LRMDA: variants seen among roughly 807,000 people sequenced by gnomAD.
LRMDA encodes the protein leucine-rich melanocyte differentiation-associated protein.
LRMDA carries 18 observed loss-of-function variants against 29.8 expected under a neutral mutation model. The observed-to-expected ratio is 0.60, with a 90% CI of 0.42 to 0.90. LRMDA has a LOEUF of 0.90. Among genes scored for constraint, LRMDA ranks in the 40% least tolerant of loss-of-function variants. LRMDA has a pLI of 0.00. For synonymous variants in LRMDA, 125 were observed against 109.4 expected, an observed-to-expected ratio of 1.14 and a Z score of -0.89; for missense variants, 273 against 273.9, an observed-to-expected ratio of 1.00 and a Z score of 0.02.
At chr10:76,265,003 T>C (rs554559148) in intron 5 of LRMDA, among the ~76,000 whole-genome samples, 2 of 152,186 alleles carry the variant, frequency 1.3e-5, no homozygotes, top group Non-Finnish European at 2.9e-5. Context: ...ATTTTAAACA[T>C]TCCAACCATA....
At chr10:76,481,043 G>C (rs147293773) in intron 6 of LRMDA, among the ~76,000 whole-genome samples, 68 of 151,936 alleles carry the variant, frequency 4.5e-4, no homozygotes, top group African/African-American at 1.5e-3. Flanking sequence ...GCACTTATTT[G>C]TAGCTTATTG....
intron 6 of LRMDA, among the ~76,000 whole-genome samples, chr10:76,520,058 C>A (rs1843103021): frequency 6.6e-6 from 1 of 152,042 alleles, no homozygotes; most frequent in Admixed American, 6.5e-5. Context: ...TGGAGAGTCT[C>A]TAATCGTTTG....
Position 76,257,387 on chromosome 10 carries a change from G to A in LRMDA, c.517-67014G>A, listed in dbSNP as rs183364318. On this transcript the variant is annotated intron_variant, in intron 5 of 6. Transcript: ENST00000611255. Reference sequence around the variant, plus strand: ...TCACTCTTGTTGCCCAGGCTGGAGTGCAATGGCATGATCTCAGCTCACTGC... The same window carrying A: ...TCACTCTTGTTGCCCAGGCTGGAGTACAATGGCATGATCTCAGCTCACTGC... Among the ~76,000 whole-genome samples the A allele has an allele frequency of 3.2e-3, 476 of 148,474 alleles. 4 individuals are homozygous for A. Among genetic ancestry groups the A allele is most frequent in the African/African-American group, 0.011 (457 of 40,332 alleles).
intron 2 of LRMDA, among the ~76,000 whole-genome samples, chr10:75,955,876 G>C: frequency 6.6e-6 from 1 of 152,184 alleles, no homozygotes; most frequent in Non-Finnish European, 1.5e-5. Context: ...AGAGAGGATA[G>C]ATATCTGAAA....
At chr10:76,518,269 C>T (rs1346439906) in intron 6 of LRMDA, among the ~76,000 whole-genome samples, 2 of 145,394 alleles carry the variant, frequency 1.4e-5, no homozygotes, top group Non-Finnish European at 3.0e-5. Context: ...TCCATCTATC[C>T]ATTTATCTAT....
chr10:76,157,194 A>G (rs1442091729), intron 5 of LRMDA, among the ~76,000 whole-genome samples: 1 of 152,228 alleles, frequency 6.6e-6, no homozygotes, highest in African/African-American at 2.4e-5. Flanking sequence ...GGACCAATAC[A>G]AAGATGATCC....
At chr10:76,315,433 C>A (rs1840680820) in intron 5 of LRMDA, among the ~76,000 whole-genome samples, 1 of 152,210 alleles carries the variant, frequency 6.6e-6, no homozygotes, top group Admixed American at 6.5e-5. Context: ...GTGCCTGCTC[C>A]TGCTCCCGGG....
chr10:75,577,800 G>A (rs1840526776), intron 2 of LRMDA, among the ~76,000 whole-genome samples: 1 of 152,002 alleles, frequency 6.6e-6, no homozygotes, highest in African/African-American at 2.4e-5. Flanking sequence ...GCTTCATAAG[G>A]GAAGGAGAAA....
chr10:75,646,160 G>A (rs1841518155), intron 2 of LRMDA, among the ~76,000 whole-genome samples: 1 of 151,708 alleles, frequency 6.6e-6, no homozygotes, highest in South Asian at 2.1e-4. Context: ...TGTTGGTTGT[G>A]TCAGCATGTT....
intron 2 of LRMDA, among the ~76,000 whole-genome samples, chr10:75,805,112 A>G (rs938645596): frequency 1.3e-5 from 2 of 152,184 alleles, no homozygotes; most frequent in African/African-American, 2.4e-5. Context: ...GCCTTCTTCA[A>G]TGCTGGTGTG....
intron 5 of LRMDA, among the ~76,000 whole-genome samples, chr10:76,165,209 A>T (rs544708884): frequency 1.3e-5 from 2 of 151,602 alleles, no homozygotes; most frequent in Non-Finnish European, 2.9e-5. Flanking sequence ...TTGACCTCAG[A>T]TGATCCATCC....
chr10:75,858,506 T>A (rs994383200), intron 2 of LRMDA, among the ~76,000 whole-genome samples: 1 of 152,212 alleles, frequency 6.6e-6, no homozygotes, highest in African/African-American at 2.4e-5. Context: ...ACTTAATGTG[T>A]GCTGAGTAAC....
intron 2 of LRMDA, among the ~76,000 whole-genome samples, chr10:75,669,396 G>T (rs1841864302): frequency 6.6e-6 from 1 of 152,168 alleles, no homozygotes; most frequent in Admixed American, 6.5e-5. Context: ...TGAGCCTGTT[G>T]TAGGCTGAGG....
intron 2 of LRMDA, among the ~76,000 whole-genome samples, chr10:75,737,634 T>A (rs1047159450): frequency 6.6e-6 from 1 of 152,218 alleles, no homozygotes; most frequent in African/African-American, 2.4e-5. Context: ...CCTTCACAAA[T>A]ACACCACATG....
At chr10:75,446,541 A>C (rs866066717) in intron 2 of LRMDA, among the ~76,000 whole-genome samples, 6 of 152,318 alleles carry the variant, frequency 3.9e-5, no homozygotes, top group African/African-American at 1.2e-4. Context: ...AGAGCCAGTA[A>C]ATGATTTGCC....
intron 2 of LRMDA, among the ~76,000 whole-genome samples, chr10:75,881,496 ACCC>A (rs1220790509): frequency 6.6e-6 from 1 of 151,372 alleles, no homozygotes; most frequent in Non-Finnish European, 1.5e-5. Context: ...CCCCCCCACT[ACCC>A]CTACTTTTCT....
chr10:76,094,318 A>C (rs1849280129), intron 5 of LRMDA, among the ~76,000 whole-genome samples: 1 of 152,180 alleles, frequency 6.6e-6, no homozygotes, highest in Non-Finnish European at 1.5e-5. Context: ...TTTAGAAATA[A>C]CAACTACTTA....
chr10:75,740,966 G>A (rs529035466), intron 2 of LRMDA, among the ~76,000 whole-genome samples: 1 of 152,078 alleles, frequency 6.6e-6, no homozygotes, highest in Admixed American at 6.5e-5. Context: ...ATATATTAAG[G>A]TATGTTTATT....
intron 2 of LRMDA, among the ~76,000 whole-genome samples, chr10:75,810,188 C>T (rs973658575): frequency 1.2e-4 from 19 of 152,276 alleles, no homozygotes; most frequent in South Asian, 8.3e-4. Context: ...TGGGGCATGA[C>T]GAGGCCAGGG....
Sources: gnomAD v4.1 joint callset for allele counts (sites outside exome capture counted in the v4.1 genomes callset) on GRCh38, gnomAD v4.1.1 for gene constraint, MANE v1.5 for transcripts, NCBI Gene and HGNC (gene_info 2026-07-23, HGNC 2026-07-21) for gene names.